SYT17: variants seen among roughly 807,000 people sequenced by gnomAD.
The protein encoded by SYT17 is synaptotagmin 17.
In SYT17, 22 loss-of-function variants were observed where a neutral mutation model predicts 46.7. That is an observed-to-expected ratio of 0.47 (90% CI 0.34 to 0.67). The LOEUF is 0.67. Ranked by LOEUF, SYT17 falls within the 30% of genes least tolerant of loss-of-function variation. The pLI is 0.01. For missense variants in SYT17, 519 were observed against 612.8 expected (o/e 0.85, Z 1.62); for synonymous variants, 251 against 248.4 (o/e 1.01, Z -0.10).
chr16:19,192,861 G>GT (rs1463896381), intron 5 of SYT17, among the ~76,000 whole-genome samples: 1 of 152,200 alleles, frequency 6.6e-6, no homozygotes, highest in Non-Finnish European at 1.5e-5. Flanking sequence ...TCCGAATCAG[G>GT]TGGGAGCTGT....
At chr16:19,228,334 G>A (rs563361018) in intron 7 of SYT17, among the ~76,000 whole-genome samples, 6 of 152,132 alleles carry the variant, frequency 3.9e-5, no homozygotes, top group Admixed American at 3.3e-4. Flanking sequence ...CAGAAGACCC[G>A]CTTCTCTCCT....
intron 5 of SYT17, among the ~76,000 whole-genome samples, chr16:19,218,657 T>C (rs1321050585): frequency 6.6e-6 from 1 of 152,174 alleles, no homozygotes; most frequent in East Asian, 1.9e-4. Context: ...AGAGGTGGCT[T>C]GAGGGGCTCT....
chr16:19,185,605 TA>T (rs11404684), intron 5 of SYT17, among the ~76,000 whole-genome samples: 195 of 144,610 alleles, frequency 1.3e-3, no homozygotes, highest in Non-Finnish European at 1.3e-3. Context: ...CCTGTCTCTT[TA>T]AAAAAAAAAA....
chr16:19,245,197 T>G (rs62025399), intron 7 of SYT17, among the ~76,000 whole-genome samples: 6,485 of 152,138 alleles, frequency 0.043, 506 homozygotes, highest in African/African-American at 0.15. Context: ...AATCAGTGGT[T>G]CTCAACCTGG....
At chr16:19,232,257 G>A (rs1966726602) in intron 7 of SYT17, among the ~76,000 whole-genome samples, 1 of 129,560 alleles carries the variant, frequency 7.7e-6, no homozygotes, top group Admixed American at 7.2e-5. Flanking sequence ...ACAAGGCAAT[G>A]ACAGACACGC....
chr16:19,224,933 G>A, intron 7 of SYT17, 95 bp downstream of exon 7: 1 of 1,425,480 alleles, frequency 7.0e-7, no homozygotes, highest in Non-Finnish European at 9.7e-7. Flanking sequence ...TTACATTTAA[G>A]AACGTAATGT....
intron 3 of SYT17, among the ~76,000 whole-genome samples, chr16:19,176,086 G>C (rs1044848859): frequency 6.6e-5 from 10 of 152,182 alleles, no homozygotes; most frequent in African/African-American, 1.7e-4. Context: ...AATCAGGAAT[G>C]ATGGCTTCAG....
chr16:19,194,678 T>C (rs1334742743), intron 5 of SYT17, among the ~76,000 whole-genome samples: 1 of 152,198 alleles, frequency 6.6e-6, no homozygotes, highest in Non-Finnish European at 1.5e-5. Flanking sequence ...CACTGCAGCC[T>C]CAAACTCCTG....
chr16:19,253,091 A>T (rs902646455), intron 7 of SYT17, among the ~76,000 whole-genome samples: 1 of 152,202 alleles, frequency 6.6e-6, no homozygotes. Flanking sequence ...TCAGCAAACT[A>T]CAGCCCACTT....
chr16:19,222,641 A>G (rs1966362678), intron 5 of SYT17, among the ~76,000 whole-genome samples: 1 of 152,138 alleles, frequency 6.6e-6, no homozygotes. Flanking sequence ...TACCAGCTCT[A>G]CCACTTTCTT....
Position 19,239,251 on chromosome 16 carries a change from T to G in SYT17, c.1228+14413T>G, listed in dbSNP as rs1179075080. On this transcript the variant is annotated intron_variant, in intron 7 of 7. Transcript: ENST00000355377. ...ATAATCATACCACTGCACTCCAGCC[T>G]GGACAACAGAGCAAGACCCTGTCTC... is the stretch of plus-strand genomic sequence containing the variant. Among the ~76,000 whole-genome samples, 5 of 152,132 alleles carry G rather than the reference T, an allele frequency of 3.3e-5. No individual in the cohort carries two copies. The East Asian group carries it at 9.7e-4, about 29-fold the overall frequency.
chr16:19,262,821 C>A (rs1969080342), intron 7 of SYT17, among the ~76,000 whole-genome samples: 1 of 152,168 alleles, frequency 6.6e-6, no homozygotes. Context: ...CACAGACAAG[C>A]TGGCATGGCT....
At position 19,180,374 on chromosome 16, in the gene SYT17, C is replaced by G; in HGVS notation, c.183-17C>G. 6.2e-7 allele frequency: 1 copy of G among 1,613,828 alleles called. No individual in the cohort carries two copies. The highest frequency in any genetic ancestry group is 2.2e-5 in the East Asian group (1 of 44,868). ...GGGATTCCTGGACAGCTACTGAGAC[C>G]TCTTCCCTTCCTATAGGATGGCCAG... is the stretch of plus-strand genomic sequence containing the variant. On this transcript the variant is annotated splice_polypyrimidine_tract_variant and intron_variant, in intron 3 of 7. Coordinates refer to ENST00000355377, the MANE Select transcript of SYT17 (RefSeq NM_016524.4).
chr16:19,242,276 A>G (rs1253094843), intron 7 of SYT17, among the ~76,000 whole-genome samples: 1 of 152,240 alleles, frequency 6.6e-6, no homozygotes, highest in Non-Finnish European at 1.5e-5. Context: ...AGAGAAGGCC[A>G]GGAAAATTAC....
At chr16:19,211,244 A>G in intron 5 of SYT17, 1 of 535,284 alleles carries the variant, frequency 1.9e-6, no homozygotes, top group South Asian at 2.9e-5. Context: ...CCTGTCACCC[A>G]GTTCCTTCTC....
chr16:19,256,390 G>A (rs1331468851), intron 7 of SYT17, among the ~76,000 whole-genome samples: 1 of 149,732 alleles, frequency 6.7e-6, no homozygotes, highest in East Asian at 2.0e-4. Context: ...CATTCTGACT[G>A]TTGGCCTTTT....
chr16:19,209,772 G>T (rs1378732458), intron 5 of SYT17, among the ~76,000 whole-genome samples: 1 of 151,998 alleles, frequency 6.6e-6, no homozygotes, highest in African/African-American at 2.4e-5. Context: ...CAGCTACTCG[G>T]GAGGCTGAGG....
At chr16:19,194,921 T>C (rs1465794275) in intron 5 of SYT17, among the ~76,000 whole-genome samples, 1 of 152,234 alleles carries the variant, frequency 6.6e-6, no homozygotes, top group Non-Finnish European at 1.5e-5. Context: ...CTAGTCTTGG[T>C]ATCTTTGGCA....
intron 5 of SYT17, chr16:19,211,071 G>A (rs761593253): frequency 1.0e-5 from 2 of 195,054 alleles, no homozygotes; most frequent in Admixed American, 6.0e-5. Flanking sequence ...TGCCCAAGCC[G>A]GCTGCTGGAT....
Sources: allele counts gnomAD v4.1 joint callset (sites outside exome capture counted in the v4.1 genomes callset), GRCh38; gene constraint gnomAD v4.1.1; transcripts MANE v1.5; gene names NCBI Gene and HGNC (gene_info 2026-07-23, HGNC 2026-07-21).